Variants in TPH2 observed in about 807,000 individuals in gnomAD.
TPH2 encodes the protein tryptophan 5-hydroxylase 2.
In TPH2, 27 loss-of-function variants were observed where a neutral mutation model predicts 59.1. The observed-to-expected ratio is 0.46, with a 90% CI of 0.34 to 0.63. The LOEUF (loss-of-function observed/expected upper bound fraction) is 0.63. Ranked by LOEUF, TPH2 falls within the 30% of genes least tolerant of loss-of-function variation. The pLI, the probability that TPH2 is intolerant of heterozygous loss-of-function variation, is 0.01. For missense variants in TPH2, 523 were observed against 588.3 expected (o/e 0.89, Z 1.15); for synonymous variants, 220 against 210.5 (o/e 1.05, Z -0.39).
At chr12:72,018,011 CTT>C (rs578236763) in intron 8 of TPH2, among the ~76,000 whole-genome samples, 23 of 152,292 alleles carry the variant, frequency 1.5e-4, no homozygotes, top group Admixed American at 3.9e-4. Flanking sequence ...TTGCTAATAA[CTT>C]AATTTCAGAT....
At chr12:71,996,565 T>C (rs1276137547) in intron 8 of TPH2, among the ~76,000 whole-genome samples, 2 of 152,226 alleles carry the variant, frequency 1.3e-5, no homozygotes, top group African/African-American at 4.8e-5. Context: ...TTGACTCCCT[T>C]CTGCCTATAC....
In TPH2 at chr12:72,031,909, T is replaced by C. The variant is rs1351048969; in HGVS notation, c.*214T>C. On this transcript the variant is annotated 3_prime_UTR_variant, in exon 11 of 11. Transcript: ENST00000333850. Reference sequence around the variant, plus strand: ...ACCACTCATTGTATGAAATAACGTATTATGTTTAAACATCTTAAAAAGATT... The same window carrying C: ...ACCACTCATTGTATGAAATAACGTACTATGTTTAAACATCTTAAAAAGATT... 3.4e-6 allele frequency: 2 copies of C among 596,838 alleles called. No individual in the cohort carries two copies. Among genetic ancestry groups the C allele is most frequent in the Non-Finnish European group, 5.9e-6 (2 of 336,404 alleles). 37.0% of individuals were successfully genotyped at this position (596,838 alleles called of 1,614,324 possible). A position where few individuals can be genotyped will look rare whatever the true frequency, so the allele number is the denominator to read the frequency against.
intron 6 of TPH2, 143 bp downstream of exon 6, chr12:71,972,858 C>T (rs1279011395): frequency 5.9e-5 from 51 of 859,088 alleles, no homozygotes; most frequent in Admixed American, 1.4e-4. Context: ...CAATTACCTG[C>T]GGCCACCTGT....
chr12:72,023,127 A>C (rs1873468328), intron 9 of TPH2, among the ~76,000 whole-genome samples: 1 of 152,142 alleles, frequency 6.6e-6, no homozygotes, highest in Admixed American at 6.5e-5. Context: ...GAATATTCTG[A>C]TAATTTAAAT....
chr12:71,949,668 A>G lies in TPH2; in HGVS notation c.608+13A>G. 1.9e-6 allele frequency: 3 copies of G among 1,606,938 alleles called. No homozygotes were observed. The highest frequency in any genetic ancestry group is 2.6e-6 in the Non-Finnish European group (3 of 1,173,590). Reference sequence around the variant, plus strand: ...TGGGTTATAAATAGTAAGTACCTGTATAACTCTTTCTTGTCACTGGCTAGT... The same window carrying G: ...TGGGTTATAAATAGTAAGTACCTGTGTAACTCTTTCTTGTCACTGGCTAGT... On this transcript the variant is annotated intron_variant, in intron 5 of 10. Transcript: ENST00000333850.
chr12:71,946,759 G>A (rs1871207403), intron 4 of TPH2, among the ~76,000 whole-genome samples: 1 of 152,108 alleles, frequency 6.6e-6, no homozygotes, highest in African/African-American at 2.4e-5. Flanking sequence ...CTTCAGAAGG[G>A]GCTTGGAATA....
At chr12:71,964,523 A>G in intron 5 of TPH2, 1 of 984,380 alleles carries the variant, frequency 1.0e-6, no homozygotes, top group Non-Finnish European at 1.2e-6. Flanking sequence ...ATATTTTTCC[A>G]GTCTCAGAGG....
rs36018735 is a variant in TPH2, at chr12:71,986,630, C to CTTTTTT, written c.941+7556_941+7561dup. Among the ~76,000 whole-genome samples, 4 of 131,364 alleles carry CTTTTTT rather than the reference C, an allele frequency of 3.0e-5. 1 individual carries two copies. The highest frequency in any genetic ancestry group is 2.8e-5 in the African/African-American group (1 of 35,228). The allele number at this position is 131,364 out of a possible 152,430, so 86.2% of individuals were successfully genotyped here. A position where few individuals can be genotyped will look rare whatever the true frequency, so the allele number is the denominator to read the frequency against. On this transcript the variant is annotated intron_variant, in intron 7 of 10. Coordinates refer to ENST00000333850, the MANE Select transcript of TPH2 (RefSeq NM_173353.4). The stretch of plus-strand genomic sequence containing the variant: ...AAGCTTCAATACTTCAGCCACCCTT[C>CTTTTTT]TTTTTTTTTTTTTTTTTTAGCAGAT...
At chr12:72,005,339 CT>C (rs1872925738) in intron 8 of TPH2, among the ~76,000 whole-genome samples, 1 of 151,932 alleles carries the variant, frequency 6.6e-6, no homozygotes, top group Non-Finnish European at 1.5e-5. Flanking sequence ...ACTGAGGGGG[CT>C]TTAAAGTCTT....
intron 8 of TPH2, among the ~76,000 whole-genome samples, 161 bp from the exon 9 acceptor site, chr12:72,022,238 A>G (rs2139245113): frequency 6.6e-6 from 1 of 152,362 alleles, no homozygotes; most frequent in South Asian, 2.1e-4. Flanking sequence ...GAGAATACTG[A>G]GCAAGAGAAT....
At chr12:71,962,143 C>T (rs1871703674) in intron 5 of TPH2, 1 of 989,668 alleles carries the variant, frequency 1.0e-6, no homozygotes, top group Non-Finnish European at 1.2e-6. Flanking sequence ...CTCCTAACCT[C>T]CTCTACAGAT....
At chr12:71,950,376 T>C (rs1871313019) in intron 5 of TPH2, among the ~76,000 whole-genome samples, 1 of 151,788 alleles carries the variant, frequency 6.6e-6, no homozygotes, top group Non-Finnish European at 1.5e-5. Context: ...TTTTATAGGA[T>C]TTGGGTCAAT....
In TPH2 at chr12:71,941,112, A is replaced by G. The variant is rs78309469; in HGVS notation, c.106-472A>G. The stretch of plus-strand genomic sequence containing the variant: ...CATGTGCTGACATATTTTGGAATGA[A>G]ATCGATATTTTGTTTTTAAAATTTA... On this transcript the variant is annotated intron_variant, in intron 1 of 10. Coordinates refer to ENST00000333850, the MANE Select transcript of TPH2 (RefSeq NM_173353.4). 8.1e-3 allele frequency among the ~76,000 whole-genome samples: 1,231 copies of G among 152,316 alleles called. 17 individuals are homozygous for G. Among genetic ancestry groups the G allele is most frequent in the African/African-American group, 0.028 (1,146 of 41,554 alleles).
chr12:71,945,282 G>T (rs1871169929), intron 4 of TPH2, among the ~76,000 whole-genome samples: 1 of 151,954 alleles, frequency 6.6e-6, no homozygotes, highest in Non-Finnish European at 1.5e-5. Context: ...TATGATACTT[G>T]GGTAAGCATT....
At chr12:71,944,555 A>C in intron 3 of TPH2, 31 bp from the exon 4 acceptor site, 1 of 1,613,644 alleles carries the variant, frequency 6.2e-7, no homozygotes, top group Non-Finnish European at 8.5e-7. Flanking sequence ...TCTGTGAACT[A>C]ATATTTTTGA....
In TPH2 at chr12:72,031,584, T is replaced by A; in HGVS notation, c.1362T>A (p.Ile454=). The change falls in exon 11 of 11, where the codon ATT becomes ATA. Residue 454 remains isoleucine, a synonymous_variant. Transcript: ENST00000333850. The part of the protein sequence containing the change: ...SVYFNPYTQS[I]EILKDTRSIE... ...ACTTCAATCCCTACACACAGAGTAT[T>A]GAAATTCTGAAAGACACCAGAAGTA... The A allele has an allele frequency of 6.2e-7, 1 of 1,613,630 alleles. No homozygotes were observed.
intron 7 of TPH2, among the ~76,000 whole-genome samples, chr12:71,987,333 G>A (rs1313196513): frequency 6.6e-6 from 1 of 152,152 alleles, no homozygotes. Flanking sequence ...CATATCTTAT[G>A]TGCCAGGCTT....
At chr12:72,008,361 G>A (rs1429904390) in intron 8 of TPH2, among the ~76,000 whole-genome samples, 2 of 152,192 alleles carry the variant, frequency 1.3e-5, no homozygotes, top group Admixed American at 1.3e-4. Flanking sequence ...TGCCTAATCA[G>A]AATGTAATTT....
intron 5 of TPH2, among the ~76,000 whole-genome samples, chr12:71,967,807 T>A (rs961539927): frequency 3.1e-4 from 47 of 152,254 alleles, no homozygotes; most frequent in Non-Finnish European, 6.3e-4. Context: ...CTTAGCAACA[T>A]CTAATTTCCT....
Sources: gnomAD v4.1 joint callset for allele counts (sites outside exome capture counted in the v4.1 genomes callset) on GRCh38, gnomAD v4.1.1 for gene constraint, MANE v1.5 for transcripts, NCBI Gene and HGNC (gene_info 2026-07-23, HGNC 2026-07-21) for gene names.